Variants in L3MBTL3 observed in about 807,000 individuals in gnomAD.
L3MBTL3 encodes the protein lethal(3)malignant brain tumor-like protein 3.
A neutral mutation model predicts 102.3 loss-of-function variants in L3MBTL3; 27 were observed. That is an observed-to-expected ratio of 0.26 (90% CI 0.19 to 0.36). The LOEUF is 0.36. Among genes scored for constraint, L3MBTL3 ranks in the 10% least tolerant of loss-of-function variants. The pLI is 1.00. For missense variants in L3MBTL3, 798 were observed against 955.3 expected, an observed-to-expected ratio of 0.84 and a Z score of 2.17; for synonymous variants, 340 against 320.9, an observed-to-expected ratio of 1.06 and a Z score of -0.64.
intron 17 of L3MBTL3, among the ~76,000 whole-genome samples, chr6:130,093,630 G>A (rs1784189075): frequency 6.6e-6 from 1 of 152,188 alleles, no homozygotes; most frequent in South Asian, 2.1e-4. Flanking sequence ...TATTAGTATT[G>A]CAACAGAAAA....
At chr6:130,088,919 GTCT>G (rs1173148201) in intron 16 of L3MBTL3, among the ~76,000 whole-genome samples, 2 of 151,988 alleles carry the variant, frequency 1.3e-5, no homozygotes, top group Non-Finnish European at 2.9e-5. Context: ...GAGCAAAGTA[GTCT>G]TCTCCTTGTG....
In L3MBTL3 at chr6:130,067,447, A is replaced by G. The variant is rs113620022; in HGVS notation, c.1001-883A>G. Among the ~76,000 whole-genome samples the G allele has an allele frequency of 8.8e-3, 1,340 of 152,242 alleles. 23 individuals are homozygous for G. The highest frequency in any genetic ancestry group is 0.031 in the African/African-American group (1,268 of 41,550). On this transcript the variant is annotated intron_variant, in intron 11 of 22. Coordinates refer to ENST00000361794, the MANE Select transcript of L3MBTL3 (RefSeq NM_032438.4). ...TAATATCTTATTCCCTTCTATTTCA[A>G]TCATTACATTGATTTTTGTTTATGT... is the stretch of plus-strand genomic sequence containing the variant.
intron 20 of L3MBTL3, among the ~76,000 whole-genome samples, chr6:130,126,153 A>C (rs1366697460): frequency 1.3e-5 from 2 of 151,494 alleles, no homozygotes; most frequent in Non-Finnish European, 2.9e-5. Flanking sequence ...TACCTGAATA[A>C]GTAGCTCATT....
At chr6:130,109,710 A>G (rs530403889) in intron 19 of L3MBTL3, among the ~76,000 whole-genome samples, 3 of 152,192 alleles carry the variant, frequency 2.0e-5, no homozygotes, top group African/African-American at 7.2e-5. Flanking sequence ...CTTTAGTTTG[A>G]TTAGATCCCA....
At chr6:130,139,257 C>T (rs1202800872) in intron 22 of L3MBTL3, among the ~76,000 whole-genome samples, 3 of 151,828 alleles carry the variant, frequency 2.0e-5, no homozygotes, top group Non-Finnish European at 4.4e-5. Flanking sequence ...GTTATCTCTT[C>T]TAATTTTAAA....
intron 19 of L3MBTL3, among the ~76,000 whole-genome samples, chr6:130,116,064 A>G (rs1785654382): frequency 1.3e-5 from 2 of 152,210 alleles, no homozygotes; most frequent in Admixed American, 6.5e-5. Flanking sequence ...TAACCCAGAC[A>G]GTCTGACTGT....
intron 18 of L3MBTL3, among the ~76,000 whole-genome samples, chr6:130,104,172 T>TGACG: frequency 6.6e-6 from 1 of 152,234 alleles, no homozygotes; most frequent in South Asian, 2.1e-4. Context: ...CTTCAGTGAC[T>TGACG]CTTGCTCAGT....
chr6:130,080,480 G>C (rs9492445), intron 14 of L3MBTL3, among the ~76,000 whole-genome samples: 8 of 151,658 alleles, frequency 5.3e-5, no homozygotes, highest in Non-Finnish European at 8.8e-5. Context: ...CCTTCTTTCC[G>C]TACCACCATT....
chr6:130,115,039 T>TA (rs35706973), intron 19 of L3MBTL3, among the ~76,000 whole-genome samples: 10,377 of 143,544 alleles, frequency 0.072, 714 homozygotes, highest in African/African-American at 0.17. Context: ...CTCAGAAACT[T>TA]AAAAAAAAAA....
At chr6:130,125,073 G>C (rs1223246248) in intron 20 of L3MBTL3, among the ~76,000 whole-genome samples, 1 of 152,194 alleles carries the variant, frequency 6.6e-6, no homozygotes, top group East Asian at 1.9e-4. Flanking sequence ...GGTCCTGGAG[G>C]CTCCGTGCTG....
chr6:130,070,035 G>A (rs938435397), intron 12 of L3MBTL3, among the ~76,000 whole-genome samples: 1 of 152,170 alleles, frequency 6.6e-6, no homozygotes. Flanking sequence ...ATGAGAGATA[G>A]CATTTATTTT....
rs1788228579 is a variant in L3MBTL3 at position 130,141,041 on chromosome 6, A to G, written c.*1288A>G. ...GTTTCTTTTGCAAGAATGCATTTCT[A>G]AGGCAAAAGGTAAATTATTTTGTCC... On this transcript the variant is annotated 3_prime_UTR_variant, in exon 23 of 23. Coordinates refer to ENST00000361794, the MANE Select transcript of L3MBTL3 (RefSeq NM_032438.4). 1 of 152,642 alleles carries G rather than the reference A, an allele frequency of 6.6e-6. No individual in the cohort carries two copies. Among genetic ancestry groups the G allele is most frequent in the Non-Finnish European group, 1.5e-5 (1 of 68,042 alleles). The allele number at this position is 152,642 out of a possible 1,614,324, so 9.5% of individuals were successfully genotyped here. A position where few individuals can be genotyped will look rare whatever the true frequency, so the allele number is the denominator to read the frequency against.
intron 19 of L3MBTL3, among the ~76,000 whole-genome samples, chr6:130,105,316 A>C (rs1784919707): frequency 6.6e-6 from 1 of 152,216 alleles, no homozygotes; most frequent in African/African-American, 2.4e-5. Context: ...ATTTAAATCA[A>C]TGCATTGTCA....
At chr6:130,037,411 G>A (rs993252866) in intron 2 of L3MBTL3, among the ~76,000 whole-genome samples, 3 of 151,440 alleles carry the variant, frequency 2.0e-5, no homozygotes, top group Non-Finnish European at 2.9e-5. Context: ...ATATTCTGTC[G>A]CTCTACTGTC....
chr6:130,068,320 C>T lies in L3MBTL3; in HGVS notation c.1001-10C>T, dbSNP rs1270464866. ...ATTTGAATCAATCTGTTCATATGTGCTTACTCTAGGGTATAAAGAAGAAGA... is the reference window on the plus strand; with the variant it reads ...ATTTGAATCAATCTGTTCATATGTGTTTACTCTAGGGTATAAAGAAGAAGA... On this transcript the variant is annotated splice_polypyrimidine_tract_variant and intron_variant, in intron 11 of 22. Transcript: ENST00000361794. The T allele has an allele frequency of 1.4e-6, 2 of 1,478,142 alleles. No individual in the cohort carries two copies. The highest frequency in any genetic ancestry group is 2.3e-5 in the East Asian group (1 of 44,090). 91.6% of individuals were successfully genotyped at this position (1,478,142 alleles called of 1,614,324 possible).
chr6:130,037,331 G>GA (rs1447823932), intron 2 of L3MBTL3, among the ~76,000 whole-genome samples: 3 of 151,494 alleles, frequency 2.0e-5, no homozygotes, highest in South Asian at 4.2e-4. Flanking sequence ...GATTTTACCA[G>GA]AAAAAACAGT....
chr6:130,055,587 CCT>C (rs1781433272), intron 8 of L3MBTL3, among the ~76,000 whole-genome samples: 1 of 116,720 alleles, frequency 8.6e-6, no homozygotes, highest in Non-Finnish European at 1.8e-5. Flanking sequence ...TCCTTCTCTC[CCT>C]CTCTCCCTCC....
chr6:130,069,165 T>C (rs538108134), intron 12 of L3MBTL3, among the ~76,000 whole-genome samples: 1 of 152,284 alleles, frequency 6.6e-6, no homozygotes, highest in South Asian at 2.1e-4. Context: ...CACTAGACCC[T>C]TGAGGAGCAG....
At chr6:130,058,576 C>T (rs1442741173) in intron 9 of L3MBTL3, among the ~76,000 whole-genome samples, 1 of 152,186 alleles carries the variant, frequency 6.6e-6, no homozygotes, top group Non-Finnish European at 1.5e-5. Context: ...GAGCAAGACC[C>T]TGTCTCTAAA....
Sources: allele counts gnomAD v4.1 joint callset (sites outside exome capture counted in the v4.1 genomes callset), GRCh38; gene constraint gnomAD v4.1.1; transcripts MANE v1.5; gene names NCBI Gene and HGNC (gene_info 2026-07-23, HGNC 2026-07-21).